Variants in ZSCAN20 observed in about 807,000 individuals in gnomAD.
The protein encoded by ZSCAN20 is zinc finger and SCAN domain containing 20.
A neutral mutation model predicts 97.1 loss-of-function variants in ZSCAN20; 39 were observed. That is an observed-to-expected ratio of 0.40 (90% CI 0.31 to 0.52). The LOEUF is 0.52. ZSCAN20 is among the 20% of genes least tolerant of loss of function. The pLI, the probability that ZSCAN20 is intolerant of heterozygous loss-of-function variation, is 0.49. For missense variants in ZSCAN20, 1,115 were observed against 1,290.4 expected (o/e 0.86, Z 2.08); for synonymous variants, 456 against 467.3 (o/e 0.98, Z 0.31).
chr1:33,491,119 T>C lies in ZSCAN20; in HGVS notation c.861T>C (p.Thr287=), dbSNP rs763308270. Reference sequence around the variant, plus strand: ...TTATAAATTCTGGGAAAAGGAGCACTGCAGATTACAGCCTGGATAATGAGC... The same window carrying C: ...TTATAAATTCTGGGAAAAGGAGCACCGCAGATTACAGCCTGGATAATGAGC... ...LSLINSGKRS[T]ADYSLDNEPA... is the part of the protein sequence containing the mutation. The change falls in exon 6 of 8, where the codon ACT becomes ACC. Residue 287 remains threonine, a synonymous_variant. Coordinates refer to ENST00000684572, the MANE Select transcript of ZSCAN20 (RefSeq NM_001377376.1). The surrounding 1 kb of genome is among the most constrained non-coding windows in gnomAD (Gnocchi z 4.3). 5.6e-6 allele frequency: 9 copies of C among 1,613,778 alleles called. No homozygotes were observed. In the South Asian group the frequency reaches 7.7e-5, roughly 14 times the overall value.
In ZSCAN20 at chr1:33,493,873, A is replaced by G. The variant is rs1652727074; in HGVS notation, c.1873+258A>G. Among the ~76,000 whole-genome samples, 1 of 152,234 alleles carries G rather than the reference A, an allele frequency of 6.6e-6. No homozygotes were observed. Among genetic ancestry groups the G allele is most frequent in the African/African-American group, 2.4e-5 (1 of 41,460 alleles). ...TATTCAATCCAGTATGACACAGGAT[A>G]TATGGAATGTACTAGAAGAAGGAGG... On this transcript the variant is annotated intron_variant, in intron 7 of 7. Coordinates refer to ENST00000684572, the MANE Select transcript of ZSCAN20 (RefSeq NM_001377376.1). The surrounding 1 kb of genome is among the most constrained non-coding windows in gnomAD (Gnocchi z 4.3).
At position 33,494,519 on chromosome 1, in the gene ZSCAN20, C is replaced by G; in HGVS notation, c.2175C>G (p.Phe725Leu). The G allele has an allele frequency of 6.2e-7, 1 of 1,614,226 alleles. No homozygotes were observed. Residue 725 changes from phenylalanine (F) to leucine (L), a missense_variant, in exon 8 of 8, where the codon TTC becomes TTG. Coordinates refer to ENST00000684572, the MANE Select transcript of ZSCAN20 (RefSeq NM_001377376.1). ...AGAGCTTCAGTCGGAGCTCCCACTT[C>G]ATTGCCCATCAGCGAATCCACACAG... ...CMKSFSRSSH[F>L]IAHQRIHTGE...
intron 6 of ZSCAN20, among the ~76,000 whole-genome samples, chr1:33,492,871 C>T (rs1184775447): frequency 6.6e-6 from 1 of 151,836 alleles, no homozygotes; most frequent in Non-Finnish European, 1.5e-5. Flanking sequence ...CAATTACAGG[C>T]CTTTCCCTGA....
intron 4 of ZSCAN20, 62 bp from the exon 5 acceptor site, chr1:33,489,456 G>A: frequency 1.9e-6 from 3 of 1,542,164 alleles, no homozygotes; most frequent in Admixed American, 3.4e-5. Flanking sequence ...AGCCTGCTAG[G>A]GTTCCTAGGC....
In ZSCAN20 at chr1:33,479,584, T is replaced by A. The variant is rs1288010720; in HGVS notation, c.296T>A (p.Phe99Tyr). Residue 99 changes from phenylalanine to tyrosine, a missense_variant, in exon 2 of 8, where the codon TTC (phenylalanine) becomes TAC (tyrosine). By Grantham distance (22) the Phe-to-Tyr change is conservative (BLOSUM62 3). Coordinates refer to ENST00000684572, the MANE Select transcript of ZSCAN20 (RefSeq NM_001377376.1). ...QILELLVLEQ[F>Y]LTILPREVQT... ...CTGGAGCTGCTCGTGCTGGAGCAGTTCCTGACTATCTTGCCTAGGGAGGTC... is the reference window on the plus strand; with the variant it reads ...CTGGAGCTGCTCGTGCTGGAGCAGTACCTGACTATCTTGCCTAGGGAGGTC... 6.2e-7 allele frequency: 1 copy of A among 1,613,800 alleles called. No homozygotes were observed. The highest frequency in any genetic ancestry group is 1.3e-5 in the African/African-American group (1 of 74,912).
Position 33,493,456 on chromosome 1 carries a change from C to T in ZSCAN20, c.1714C>T (p.Arg572Trp), listed in dbSNP as rs373466735. ...YEELDSLMRARAAVRAMGTVR... is the reference protein window; with the variant it reads ...YEELDSLMRAWAAVRAMGTVR... Reference sequence around the variant, plus strand: ...GGAACTGGACTCGCTGATGAGGGCTCGGGCTGCAGTCAGGGCCATGGGGAC... The same window carrying T: ...GGAACTGGACTCGCTGATGAGGGCTTGGGCTGCAGTCAGGGCCATGGGGAC... The change falls in exon 7 of 8, where the codon CGG becomes TGG. Residue 572 changes from arginine (R) to tryptophan (W), a missense_variant. By Grantham distance (101) the Arg-to-Trp change is moderately radical (BLOSUM62 -3). Coordinates refer to ENST00000684572, the MANE Select transcript of ZSCAN20 (RefSeq NM_001377376.1). The surrounding 1 kb of genome is among the most constrained non-coding windows in gnomAD (Gnocchi z 4.3). 11 of 1,614,044 alleles carry T rather than the reference C, an allele frequency of 6.8e-6. No homozygotes were observed. In the African/African-American group the frequency reaches 8.0e-5, roughly 12 times the overall value.
At position 33,495,275 on chromosome 1, in the gene ZSCAN20, C is replaced by T. The variant is rs763926872; in HGVS notation, c.2931C>T (p.His977=). The change falls in exon 8 of 8, where the codon CAC becomes CAT. Residue 977 remains histidine, a synonymous_variant. Coordinates refer to ENST00000684572, the MANE Select transcript of ZSCAN20 (RefSeq NM_001377376.1). ...GTGACCGTTCTAACCTCATTACTCA[C>T]CAGAGGATTCATACGGGAGAGAAGC... The part of the protein sequence containing the change: ...FFRDRSNLIT[H]QRIHTGEKPY... 3 of 1,611,646 alleles carry T rather than the reference C, an allele frequency of 1.9e-6. No homozygotes were observed. The Admixed American group carries it at 5.0e-5, about 27-fold the overall frequency.
Position 33,479,318 on chromosome 1 carries a change from G to A in ZSCAN20, c.30G>A (p.Gln10=), listed in dbSNP as rs1652049674. The A allele has an allele frequency of 1.2e-6, 2 of 1,612,032 alleles. No homozygotes were observed. The highest frequency in any genetic ancestry group is 4.5e-5 in the East Asian group (2 of 44,866). MAMALELQA[Q]ASPQPEPEEL... ...CTATGGCCCTGGAATTGCAAGCCCA[G>A]GCATCTCCGCAGCCAGAGCCTGAAG... The change falls in exon 2 of 8, where the codon CAG becomes CAA. Residue 10 remains glutamine (Q), a synonymous_variant. Coordinates refer to ENST00000684572, the MANE Select transcript of ZSCAN20 (RefSeq NM_001377376.1).
At chr1:33,492,510 C>CA (rs1177514556) in intron 6 of ZSCAN20, 2 of 152,190 alleles carry the variant, frequency 1.3e-5, no homozygotes, top group African/African-American at 4.8e-5. Context: ...TGCGGTGGCT[C>CA]ACGCCTGTAA....
chr1:33,494,978 T>C lies in ZSCAN20; in HGVS notation c.2634T>C (p.Ser878=), dbSNP rs1652797920. The part of the protein sequence containing the change: ...TNSGEKLYEC[S]ECGRSFSKSS... ...CAGGGGAGAAACTTTATGAGTGTTC[T>C]GAATGTGGAAGAAGCTTCTCTAAGA... The change falls in exon 8 of 8, where the codon TCT becomes TCC. Residue 878 remains serine, a synonymous_variant. Coordinates refer to ENST00000684572, the MANE Select transcript of ZSCAN20 (RefSeq NM_001377376.1). The C allele has an allele frequency of 1.2e-6, 2 of 1,614,108 alleles. No individual in the cohort carries two copies. The highest frequency in any genetic ancestry group is 1.7e-6 in the Non-Finnish European group (2 of 1,180,012).
At chr1:33,474,652 C>G (rs1276659948) in intron 1 of ZSCAN20, among the ~76,000 whole-genome samples, 2 of 152,218 alleles carry the variant, frequency 1.3e-5, no homozygotes. Context: ...ACAGCCCATG[C>G]TGAATGAAGT....
intron 1 of ZSCAN20, 125 bp from the exon 2 acceptor site, chr1:33,479,054 T>G (rs943966639): frequency 4.8e-6 from 2 of 418,370 alleles, no homozygotes; most frequent in Non-Finnish European, 4.2e-6. Flanking sequence ...TTCCTGCCTA[T>G]GGGAAAGGGG....
chr1:33,489,731 A>C (rs1338655317), intron 5 of ZSCAN20, 129 bp downstream of exon 5: 1 of 849,998 alleles, frequency 1.2e-6, no homozygotes, highest in Non-Finnish European at 1.9e-6. Context: ...TAGGAAGAAG[A>C]CTTGCCCTTT....
chr1:33,490,951 G>A, intron 5 of ZSCAN20, 74 bp from the exon 6 acceptor site: 1 of 1,406,670 alleles, frequency 7.1e-7, no homozygotes, highest in African/African-American at 1.4e-5. Flanking sequence ...AAAGATAGAA[G>A]TTTCAGGGAG....
intron 5 of ZSCAN20, 59 bp downstream of exon 5, chr1:33,489,661 A>G: frequency 6.6e-7 from 1 of 1,525,394 alleles, no homozygotes. Flanking sequence ...CCCAGTTCCC[A>G]AAGAGGGTTT....
At chr1:33,486,770 T>G (rs768664483) in intron 2 of ZSCAN20, among the ~76,000 whole-genome samples, 22 of 152,204 alleles carry the variant, frequency 1.4e-4, no homozygotes, top group Admixed American at 4.6e-4. Flanking sequence ...AATTTTTTTT[T>G]AACATGACCA....
intron 5 of ZSCAN20, among the ~76,000 whole-genome samples, chr1:33,490,650 AACAC>A (rs372552175): frequency 1.8e-3 from 249 of 141,200 alleles, no homozygotes; most frequent in Non-Finnish European, 3.1e-3. Flanking sequence ...TACACACACA[AACAC>A]ACACACACAC....
At position 33,479,678 on chromosome 1, in the gene ZSCAN20, C is replaced by T. The variant is rs543039892; in HGVS notation, c.390C>T (p.His130=). ...EEAVALVEDW[H]RETRTAGQSG... ...CTGTGGCCTTGGTGGAGGATTGGCA[C>T]CGAGAGACCAGGACTGCAGGACAGT... Residue 130 remains histidine, a synonymous_variant, in exon 2 of 8, where the codon CAC becomes CAT. Coordinates refer to ENST00000684572, the MANE Select transcript of ZSCAN20 (RefSeq NM_001377376.1). 26 of 1,582,674 alleles carry T rather than the reference C, an allele frequency of 1.6e-5. No homozygotes were observed. The East Asian group carries it at 2.7e-4, about 16-fold the overall frequency.
intron 1 of ZSCAN20, among the ~76,000 whole-genome samples, chr1:33,477,367 C>G (rs573889061): frequency 6.6e-6 from 1 of 152,138 alleles, no homozygotes; most frequent in Non-Finnish European, 1.5e-5. Flanking sequence ...TCTCTCCATT[C>G]TCAATTCAGT....
Sources: gnomAD v4.1 joint callset for allele counts (sites outside exome capture counted in the v4.1 genomes callset) on GRCh38, gnomAD v4.1.1 for gene constraint, Gnocchi (gnomAD v3.1) non-coding constraint, MANE v1.5 for transcripts, NCBI Gene and HGNC (gene_info 2026-07-23, HGNC 2026-07-21) for gene names.